The following RBFOX1 variants were observed in gnomAD, a reference collection of about 807,000 sequenced individuals.
RBFOX1 encodes RNA binding protein fox-1 homolog 1.
In RBFOX1, 8 loss-of-function variants were observed where a neutral mutation model predicts 57.7. That is an observed-to-expected ratio of 0.14 (90% CI 0.08 to 0.25). The LOEUF is 0.25. Ranked by LOEUF, RBFOX1 falls within the 10% of genes least tolerant of loss-of-function variation. RBFOX1 has a pLI of 1.00. For synonymous variants in RBFOX1, 326 were observed against 222.4 expected, an observed-to-expected ratio of 1.47 and a Z score of -4.15; for missense variants, 611 against 548.5, an observed-to-expected ratio of 1.11 and a Z score of -1.14.
intron 4 of RBFOX1, among the ~76,000 whole-genome samples, chr16:7,466,362 C>G (rs1452366848): frequency 6.6e-6 from 1 of 152,168 alleles, no homozygotes; most frequent in South Asian, 2.1e-4. Flanking sequence ...CAAGCTAGCG[C>G]TTCTAACTGC....
intron 4 of RBFOX1, among the ~76,000 whole-genome samples, chr16:5,971,208 C>G (rs2059955374): frequency 6.6e-6 from 1 of 152,212 alleles, no homozygotes; most frequent in South Asian, 2.1e-4. Flanking sequence ...ATTATTTTTC[C>G]TCAAGGAATT....
intron 3 of RBFOX1, among the ~76,000 whole-genome samples, chr16:6,725,376 C>T (rs543046049): frequency 6.6e-6 from 1 of 152,022 alleles, no homozygotes; most frequent in Non-Finnish European, 1.5e-5. Context: ...TTTAAGGCAT[C>T]TTTTTACCAA....
chr16:7,349,162 G>A (rs1055265423), intron 4 of RBFOX1, among the ~76,000 whole-genome samples: 1 of 152,138 alleles, frequency 6.6e-6, no homozygotes, highest in African/African-American at 2.4e-5. Flanking sequence ...ACCCACTGAA[G>A]TTCATGCTCA....
At chr16:6,500,006 C>A (rs1325245629) in intron 2 of RBFOX1, among the ~76,000 whole-genome samples, 1 of 152,092 alleles carries the variant, frequency 6.6e-6, no homozygotes, top group South Asian at 2.1e-4. Context: ...GACCTCCTTT[C>A]TAGAAACCCT....
chr16:6,128,540 A>G (rs1182912314), intron 1 of RBFOX1, among the ~76,000 whole-genome samples: 1 of 152,200 alleles, frequency 6.6e-6, no homozygotes, highest in Non-Finnish European at 1.5e-5. Flanking sequence ...CAAGGCAGGT[A>G]GTTGGTGCCA....
intron 1 of RBFOX1, among the ~76,000 whole-genome samples, chr16:6,261,389 C>G (rs755914264): frequency 3.3e-5 from 5 of 152,184 alleles, no homozygotes; most frequent in African/African-American, 4.8e-5. Context: ...TACGTCAAAG[C>G]AAAAGCAACT....
rs573294313 is a variant in RBFOX1 at position 7,020,426 on chromosome 16, G to C, written c.-15-31631G>C. Among the ~76,000 whole-genome samples, 4 of 152,174 alleles carry C rather than the reference G, an allele frequency of 2.6e-5. No individual in the cohort carries two copies. In the South Asian group the frequency reaches 8.3e-4, roughly 32 times the overall value. On this transcript the variant is annotated intron_variant, in intron 3 of 15. Transcript: ENST00000550418. The stretch of plus-strand genomic sequence containing the variant: ...AGTAGAGATGAGGTTTCACCATGCT[G>C]GTGAGGCTGGTCTTGAACTCCTGAT...
chr16:6,918,132 G>A (rs771234645), intron 3 of RBFOX1, among the ~76,000 whole-genome samples: 7 of 151,970 alleles, frequency 4.6e-5, no homozygotes, highest in Non-Finnish European at 7.4e-5. Context: ...TACTAAAAAT[G>A]CAGAAATTAG....
intron 4 of RBFOX1, among the ~76,000 whole-genome samples, chr16:7,470,070 AAC>A (rs1221543557): frequency 6.6e-6 from 1 of 151,024 alleles, no homozygotes; most frequent in African/African-American, 2.5e-5. Context: ...GTGTGTATAT[AAC>A]ACATGTTATC....
chr16:6,434,709 T>C (rs1050279973), intron 2 of RBFOX1, among the ~76,000 whole-genome samples: 3 of 152,210 alleles, frequency 2.0e-5, no homozygotes, highest in African/African-American at 7.2e-5. Context: ...TTGATAAAAA[T>C]GTCCAACTAG....
At chr16:6,284,912 T>C (rs1172015448) in intron 1 of RBFOX1, among the ~76,000 whole-genome samples, 1 of 152,136 alleles carries the variant, frequency 6.6e-6, no homozygotes, top group East Asian at 1.9e-4. Flanking sequence ...TGAAAACAAA[T>C]ACGCTTCCAA....
intron 3 of RBFOX1, among the ~76,000 whole-genome samples, chr16:5,697,929 C>G (rs1291289133): frequency 3.9e-5 from 6 of 152,104 alleles, no homozygotes; most frequent in African/African-American, 1.4e-4. Context: ...ACCAAGTTTG[C>G]TAAAGGCTTT....
At chr16:6,766,333 G>A (rs954232511) in intron 3 of RBFOX1, among the ~76,000 whole-genome samples, 27 of 152,036 alleles carry the variant, frequency 1.8e-4, no homozygotes, top group Non-Finnish European at 2.9e-4. Flanking sequence ...AATGTTCAGA[G>A]TGGAAAAGAC....
chr16:5,250,614 A>G (rs536733951), intron 1 of RBFOX1, among the ~76,000 whole-genome samples: 5 of 152,258 alleles, frequency 3.3e-5, no homozygotes, highest in Non-Finnish European at 5.9e-5. Context: ...TTTTTAAAAA[A>G]ATAAAAATGG....
rs371428625 is a variant in RBFOX1 at position 6,077,553 on chromosome 16, C to T, written c.-127+57561C>T. Among the ~76,000 whole-genome samples the T allele has an allele frequency of 7.9e-5, 12 of 152,170 alleles. No individual in the cohort carries two copies. In the East Asian group the frequency reaches 9.7e-4, roughly 12 times the overall value. ...CCTCCTTCCTTTAAGATGATGGTTT[C>T]TATGGAAAATTGCTCTTAAAACAAA... On this transcript the variant is annotated intron_variant, in intron 1 of 15. Coordinates refer to ENST00000550418, the MANE Select transcript of RBFOX1 (RefSeq NM_018723.4).
At chr16:6,537,249 T>A (rs535015852) in intron 2 of RBFOX1, among the ~76,000 whole-genome samples, 112 of 152,294 alleles carry the variant, frequency 7.4e-4, no homozygotes, top group African/African-American at 2.6e-3. Flanking sequence ...CTGATGCCGG[T>A]TCGTGCACCA....
intron 4 of RBFOX1, among the ~76,000 whole-genome samples, chr16:7,053,243 G>C (rs1598206562): frequency 6.6e-6 from 1 of 152,228 alleles, no homozygotes; most frequent in East Asian, 1.9e-4. Flanking sequence ...AAGGTTTTCT[G>C]TTTCTTTTAT....
chr16:7,363,495 G>GA (rs138475943), intron 4 of RBFOX1, among the ~76,000 whole-genome samples: 70,721 of 149,220 alleles, frequency 0.47, 18,623 homozygotes, highest in East Asian at 0.73. Context: ...GCTAATAAAG[G>GA]AAAAAAAAAA....
intron 2 of RBFOX1, among the ~76,000 whole-genome samples, chr16:6,584,371 A>G (rs926088873): frequency 8.8e-5 from 13 of 147,308 alleles, no homozygotes; most frequent in African/African-American, 3.2e-4. Flanking sequence ...TATTATTATT[A>G]TTATTATTAT....
Sources: gnomAD v4.1 joint callset for allele counts (sites outside exome capture counted in the v4.1 genomes callset) on GRCh38, gnomAD v4.1.1 for gene constraint, MANE v1.5 for transcripts, NCBI Gene and HGNC (gene_info 2026-07-23, HGNC 2026-07-21) for gene names.